TRABD2A: variants seen among roughly 807,000 people sequenced by gnomAD.
The protein encoded by TRABD2A is metalloprotease TIKI1.
TRABD2A carries 43 observed loss-of-function variants against 45.6 expected under a neutral mutation model. That is an observed-to-expected ratio of 0.94 (90% CI 0.74 to 1.22). The LOEUF (loss-of-function observed/expected upper bound fraction) is 1.22. TRABD2A is among the 50% of genes most tolerant of loss of function. The pLI is 0.00. For missense variants in TRABD2A, 642 were observed against 652.4 expected (o/e 0.98, Z 0.17); for synonymous variants, 269 against 265.0 (o/e 1.02, Z -0.15).
intron 4 of TRABD2A, chr2:84,835,800 T>C (rs1284947291): frequency 1.3e-5 from 2 of 152,122 alleles, no homozygotes; most frequent in African/African-American, 4.8e-5. Flanking sequence ...GGCAAAAAAA[T>C]AGCCTACACT....
intron 5 of TRABD2A, among the ~76,000 whole-genome samples, chr2:84,825,987 A>G (rs1438078905): frequency 6.6e-6 from 1 of 152,060 alleles, no homozygotes; most frequent in Non-Finnish European, 1.5e-5. Context: ...TTCTTCTACA[A>G]AATTAGTCCC....
intron 5 of TRABD2A, among the ~76,000 whole-genome samples, chr2:84,829,220 G>A (rs1681238235): frequency 6.6e-6 from 1 of 151,996 alleles, no homozygotes. Context: ...TCTCCCCGGG[G>A]AAGTGAGAAC....
Position 84,841,888 on chromosome 2 carries a change from G to C in TRABD2A, c.789C>G (p.Ser263=), listed in dbSNP as rs1453222666. ...IKHYNCGDLS[S]VILSHDSSQV... is the part of the protein sequence containing the mutation. ...GGGAGCTGTCATGGCTGAGGATGAC[G>C]GAGCTGAGGTCCCCGCAGTTATAGT... The change falls in exon 3 of 7, where the codon TCC becomes TCG. Residue 263 remains serine, a synonymous_variant. Transcript: ENST00000409520. 1 of 1,543,510 alleles carries C rather than the reference G, an allele frequency of 6.5e-7. No homozygotes were observed. The highest frequency in any genetic ancestry group is 2.0e-5 in the Admixed American group (1 of 49,928).
At chr2:84,831,367 T>G (rs1407376667) in intron 5 of TRABD2A, among the ~76,000 whole-genome samples, 1 of 152,084 alleles carries the variant, frequency 6.6e-6, no homozygotes, top group Non-Finnish European at 1.5e-5. Context: ...GTTGTTGTTA[T>G]GACAGCCCAA....
Position 84,830,198 on chromosome 2 carries a change from C to T in TRABD2A, c.1082+1857G>A, listed in dbSNP as rs530060841. Reference sequence around the variant, plus strand: ...CGCAGAGAACCCCTAAGGGCTGGCTCCTCCAGACCTGCAGGAGAACAGGAA... The same window carrying T: ...CGCAGAGAACCCCTAAGGGCTGGCTTCTCCAGACCTGCAGGAGAACAGGAA... On this transcript the variant is annotated intron_variant, in intron 5 of 6. Transcript: ENST00000409520. This position sits in a 1 kb window ranked among gnomAD's most constrained non-coding sequence, Gnocchi z 4.9. Among the ~76,000 whole-genome samples the T allele has an allele frequency of 6.6e-6, 1 of 152,276 alleles. No homozygotes were observed.
chr2:84,878,731 A>G (rs143512536), intron 1 of TRABD2A, among the ~76,000 whole-genome samples: 9 of 152,172 alleles, frequency 5.9e-5, no homozygotes, highest in Non-Finnish European at 1.2e-4. Flanking sequence ...AGAATCCTAT[A>G]GGGGCTGCTG....
At chr2:84,823,151 G>A (rs1021309642) in intron 6 of TRABD2A, among the ~76,000 whole-genome samples, 6 of 152,154 alleles carry the variant, frequency 3.9e-5, no homozygotes, top group African/African-American at 1.2e-4. Context: ...TAAGCCAAAA[G>A]GATGCTTCCT....
At chr2:84,879,461 G>T in intron 1 of TRABD2A, 1 of 365,266 alleles carries the variant, frequency 2.7e-6, no homozygotes, top group Non-Finnish European at 3.8e-6. Flanking sequence ...GATTACAGGA[G>T]TGAGCTACCA....
At chr2:84,828,445 C>A (rs1274912382) in intron 5 of TRABD2A, among the ~76,000 whole-genome samples, 1 of 152,190 alleles carries the variant, frequency 6.6e-6, no homozygotes, top group Admixed American at 6.5e-5. Flanking sequence ...AAGAAGGAAA[C>A]AGGTATCCCT....
intron 2 of TRABD2A, among the ~76,000 whole-genome samples, chr2:84,847,403 G>T (rs1207085346): frequency 2.0e-5 from 3 of 152,196 alleles, no homozygotes. Context: ...GAATTGCTCA[G>T]AAACTCCCAC....
At chr2:84,862,983 C>T (rs1179129990) in intron 2 of TRABD2A, among the ~76,000 whole-genome samples, 4 of 152,130 alleles carry the variant, frequency 2.6e-5, no homozygotes, top group African/African-American at 7.2e-5. Context: ...GAGCTAAGAA[C>T]CCACCCAGAC....
chr2:84,872,095 A>G (rs1220191154), intron 1 of TRABD2A, among the ~76,000 whole-genome samples: 2 of 152,238 alleles, frequency 1.3e-5, no homozygotes, highest in African/African-American at 2.4e-5. Context: ...CTGCTTATTA[A>G]GAGGCACTGT....
At chr2:84,860,212 G>A (rs536434426) in intron 2 of TRABD2A, among the ~76,000 whole-genome samples, 2 of 152,220 alleles carry the variant, frequency 1.3e-5, no homozygotes, top group South Asian at 2.1e-4. Flanking sequence ...TTTACCCTGG[G>A]TCTGTGTTAT....
rs80086864 is a variant in TRABD2A at position 84,823,661 on chromosome 2, T to C, written c.1334+292A>G. ...GCCATGGAGAAAGATATGAAATATC[T>C]AGTTCTTTGCAACCTTTCCAGATGC... On this transcript the variant is annotated intron_variant, in intron 6 of 6. Coordinates refer to ENST00000409520, the MANE Select transcript of TRABD2A (RefSeq NM_001277053.2). 4.3e-3 allele frequency among the ~76,000 whole-genome samples: 662 copies of C among 152,312 alleles called. 4 individuals carry two copies. The highest frequency in any genetic ancestry group is 0.015 in the African/African-American group (619 of 41,560).
intron 2 of TRABD2A, among the ~76,000 whole-genome samples, chr2:84,846,845 T>C (rs1288313437): frequency 6.6e-6 from 1 of 152,214 alleles, no homozygotes; most frequent in Non-Finnish European, 1.5e-5. Flanking sequence ...CAGGGTTTCC[T>C]TGGAGCCAGA....
chr2:84,846,038 A>T (rs1438819725), intron 2 of TRABD2A, among the ~76,000 whole-genome samples: 1 of 152,180 alleles, frequency 6.6e-6, no homozygotes, highest in East Asian at 1.9e-4. Context: ...AGGACAGCAC[A>T]TACACAAGCA....
intron 2 of TRABD2A, among the ~76,000 whole-genome samples, chr2:84,855,656 A>C (rs1573939768): frequency 2.3e-4 from 30 of 130,946 alleles, no homozygotes; most frequent in African/African-American, 2.9e-4. Flanking sequence ...CCCCCTTTCC[A>C]CTCTCCCCTT....
At chr2:84,864,327 A>T (rs1440331349) in intron 2 of TRABD2A, among the ~76,000 whole-genome samples, 1 of 151,976 alleles carries the variant, frequency 6.6e-6, no homozygotes. Context: ...AAGGTGATTT[A>T]TCAACTGCAG....
chr2:84,877,563 A>T (rs1683067259), intron 1 of TRABD2A, among the ~76,000 whole-genome samples: 1 of 152,112 alleles, frequency 6.6e-6, no homozygotes, highest in African/African-American at 2.4e-5. Context: ...TATGATCACG[A>T]CACTGCCCTC....
Sources: gnomAD v4.1 joint callset for allele counts (sites outside exome capture counted in the v4.1 genomes callset) on GRCh38, gnomAD v4.1.1 for gene constraint, Gnocchi (gnomAD v3.1) non-coding constraint, MANE v1.5 for transcripts, NCBI Gene and HGNC (gene_info 2026-07-23, HGNC 2026-07-21) for gene names.